TENM3: variants seen among roughly 807,000 people sequenced by gnomAD.
TENM3 encodes the protein teneurin transmembrane protein 3, also known as teneurin-3.
TENM3 carries 63 observed loss-of-function variants against 255.1 expected under a neutral mutation model. That is an observed-to-expected ratio of 0.25 (90% CI 0.20 to 0.30). TENM3 has a LOEUF of 0.30. Among genes scored for constraint, TENM3 ranks in the 10% least tolerant of loss-of-function variants. TENM3 has a pLI of 1.00. For missense variants in TENM3, 2,929 were observed against 3,461.1 expected, an observed-to-expected ratio of 0.85 and a Z score of 3.86; for synonymous variants, 1,306 against 1,322.3, an observed-to-expected ratio of 0.99 and a Z score of 0.27.
chr4:182,758,554 G>T (rs1762897832), intron 22 of TENM3, among the ~76,000 whole-genome samples: 1 of 152,126 alleles, frequency 6.6e-6, no homozygotes, highest in African/African-American at 2.4e-5. Flanking sequence ...AGGCAGCGGG[G>T]GGCTTCTGAA....
At chr4:182,411,407 A>C (rs1214745171) in intron 3 of TENM3, among the ~76,000 whole-genome samples, 1 of 152,214 alleles carries the variant, frequency 6.6e-6, no homozygotes, top group African/African-American at 2.4e-5. Context: ...CAAATGAGAG[A>C]GGACCCAAGA....
the TENM3 span, among the ~76,000 whole-genome samples, chr4:181,753,379 T>C: frequency 6.6e-6 from 1 of 152,248 alleles, no homozygotes; most frequent in East Asian, 1.9e-4. Context: ...ATTCCCTTCT[T>C]TGCTCCCCAT....
the TENM3 span, among the ~76,000 whole-genome samples, chr4:181,818,574 G>A: frequency 6.6e-6 from 1 of 150,444 alleles, no homozygotes. Flanking sequence ...TTGTTACGTG[G>A]GTAAATGTGT....
At chr4:181,766,802 A>G in the TENM3 span, among the ~76,000 whole-genome samples, 4 of 152,190 alleles carry the variant, frequency 2.6e-5, no homozygotes, top group South Asian at 4.1e-4. Context: ...TAAGGAGAAA[A>G]CAGTTCCTGT....
chr4:181,590,535 G>A, the TENM3 span, among the ~76,000 whole-genome samples: 4 of 152,162 alleles, frequency 2.6e-5, no homozygotes, highest in Non-Finnish European at 4.4e-5. Flanking sequence ...CCATCCTTTA[G>A]CATACTGGGA....
At chr4:181,926,350 G>C in the TENM3 span, among the ~76,000 whole-genome samples, 1 of 152,166 alleles carries the variant, frequency 6.6e-6, no homozygotes, top group Non-Finnish European at 1.5e-5. Flanking sequence ...AAATAAAGAA[G>C]AGAAGAAAGT....
chr4:182,226,350 A>C (rs1756157578), intron 1 of TENM3, among the ~76,000 whole-genome samples: 1 of 152,194 alleles, frequency 6.6e-6, no homozygotes, highest in Admixed American at 6.5e-5. Flanking sequence ...TGATCTATTT[A>C]TTCTTGATTG....
chr4:181,889,290 C>T, the TENM3 span, among the ~76,000 whole-genome samples: 1 of 152,060 alleles, frequency 6.6e-6, no homozygotes, highest in Non-Finnish European at 1.5e-5. Context: ...CACCCCCGTT[C>T]CCAGCCTGCT....
chr4:181,986,371 C>T, the TENM3 span, among the ~76,000 whole-genome samples: 2 of 152,058 alleles, frequency 1.3e-5, no homozygotes, highest in Admixed American at 6.6e-5. Context: ...TTCACCTCTT[C>T]TAGATCCCAT....
chr4:181,718,203 T>C, the TENM3 span, among the ~76,000 whole-genome samples: 2 of 152,224 alleles, frequency 1.3e-5, no homozygotes, highest in Admixed American at 1.3e-4. Flanking sequence ...TGGAAAGACA[T>C]GATGCCAATC....
At chr4:182,204,470 A>G (rs1196982824) in intron 1 of TENM3, among the ~76,000 whole-genome samples, 1 of 152,200 alleles carries the variant, frequency 6.6e-6, no homozygotes, top group Non-Finnish European at 1.5e-5. Context: ...TACCCTTGCA[A>G]TAAATACGTG....
chr4:182,058,825 G>A, the TENM3 span, among the ~76,000 whole-genome samples: 1 of 151,996 alleles, frequency 6.6e-6, no homozygotes, highest in Non-Finnish European at 1.5e-5. Flanking sequence ...AATCTCTGAA[G>A]ACATAAAATA....
At chr4:181,780,889 C>T in the TENM3 span, among the ~76,000 whole-genome samples, 1,938 of 152,220 alleles carry the variant, frequency 0.013, 53 homozygotes, top group African/African-American at 0.044. Flanking sequence ...ATCCTTTCCC[C>T]ATTGCTTGTT....
chr4:181,572,680 A>G, the TENM3 span, among the ~76,000 whole-genome samples: 1 of 152,214 alleles, frequency 6.6e-6, no homozygotes, highest in Non-Finnish European at 1.5e-5. Flanking sequence ...CATAATAATG[A>G]CATCATGGTA....
At chr4:182,705,168 G>A (rs1466722865) in intron 12 of TENM3, among the ~76,000 whole-genome samples, 1 of 152,168 alleles carries the variant, frequency 6.6e-6, no homozygotes, top group Non-Finnish European at 1.5e-5. Context: ...TAATATGTAC[G>A]TATTTGTAGA....
At chr4:181,935,457 C>T in the TENM3 span, among the ~76,000 whole-genome samples, 1 of 152,222 alleles carries the variant, frequency 6.6e-6, no homozygotes. Context: ...TCTGTTGCTA[C>T]TTTCTAGAGG....
upstream of TENM3, chr4:182,141,801 T>A (rs1200923869): frequency 6.6e-6 from 1 of 152,206 alleles, no homozygotes; most frequent in African/African-American, 2.4e-5. Flanking sequence ...TTACCAGCGT[T>A]AGCTGTAATG....
intron 4 of TENM3, among the ~76,000 whole-genome samples, chr4:182,623,165 C>T (rs1750461362): frequency 6.6e-6 from 1 of 151,960 alleles, no homozygotes; most frequent in Non-Finnish European, 1.5e-5. Flanking sequence ...CGCCCACCAC[C>T]ACGCCCGGCT....
chr4:182,451,862 G>A (rs973177643), intron 3 of TENM3, among the ~76,000 whole-genome samples: 2 of 152,098 alleles, frequency 1.3e-5, no homozygotes, highest in Non-Finnish European at 2.9e-5. Flanking sequence ...AATTTATTTC[G>A]TTTGGTAGGC....
Sources: allele counts gnomAD v4.1 joint callset (sites outside exome capture counted in the v4.1 genomes callset), GRCh38; gene constraint gnomAD v4.1.1; transcripts MANE v1.5; gene names NCBI Gene and HGNC (gene_info 2026-07-23, HGNC 2026-07-21).